The following NFU1 variants were observed in gnomAD, a reference collection of about 807,000 sequenced individuals.
NFU1 encodes the protein NFU1 iron-sulfur cluster scaffold homolog, mitochondrial.
NFU1 carries 30 observed loss-of-function variants against 32.2 expected under a neutral mutation model. That is an observed-to-expected ratio of 0.93 (90% CI 0.70 to 1.26). The LOEUF is 1.26. Among genes scored for constraint, NFU1 ranks in the 50% most tolerant of loss-of-function variants. The pLI is 0.00. For missense variants in NFU1, 306 were observed against 306.6 expected (o/e 1.00, Z 0.02); for synonymous variants, 112 against 104.6 (o/e 1.07, Z -0.43).
At chr2:69,419,777 A>G (rs1257552674) in intron 3 of NFU1, among the ~76,000 whole-genome samples, 173 bp from the exon 4 acceptor site, 1 of 152,106 alleles carries the variant, frequency 6.6e-6, no homozygotes, top group East Asian at 1.9e-4. Context: ...TAGCAATCCC[A>G]CTCCTAGTTA....
At chr2:69,437,786 C>T (rs549993267), upstream of NFU1, among the ~76,000 whole-genome samples, 1 of 152,318 alleles carries the variant, frequency 6.6e-6, no homozygotes, top group Admixed American at 6.5e-5. Flanking sequence ...CCTCTAGGAC[C>T]CTACTCAGCC....
chr2:69,417,121 A>T (rs1458613059), intron 4 of NFU1, among the ~76,000 whole-genome samples: 52 of 152,134 alleles, frequency 3.4e-4, no homozygotes, highest in Admixed American at 3.4e-3. Context: ...AAAAAGAAAA[A>T]ATATTCTAAA....
chr2:69,439,297 G>A (rs537281453), upstream of NFU1, among the ~76,000 whole-genome samples: 5 of 152,286 alleles, frequency 3.3e-5, no homozygotes, highest in East Asian at 3.9e-4. Flanking sequence ...CTTCAAGAAT[G>A]AAGCCATGGA....
In NFU1 at chr2:69,432,006, C is replaced by G. The variant is rs760959760; in HGVS notation, c.63-1G>C. The G allele has an allele frequency of 1.3e-6, 2 of 1,595,096 alleles. No individual in the cohort carries two copies. The highest frequency in any genetic ancestry group is 2.2e-5 in the South Asian group (2 of 90,714). On this transcript the variant is annotated splice_acceptor_variant, in intron 1 of 7. Coordinates refer to ENST00000410022, the MANE Select transcript of NFU1 (RefSeq NM_001002755.4). LOFTEE classifies it high-confidence loss of function. ...TGGATTCTTCAACATATGACAGAAC[C>G]TGCATTTAAAAGCACATAATGAATG...
intron 5 of NFU1, among the ~76,000 whole-genome samples, chr2:69,409,765 C>T (rs903353178): frequency 6.6e-6 from 1 of 152,072 alleles, no homozygotes; most frequent in Non-Finnish European, 1.5e-5. Flanking sequence ...AGAACTCACT[C>T]CCCTCCCCTC....
rs764626299 is a variant in NFU1, at chr2:69,396,150, T to A, written c.*96A>T. On this transcript the variant is annotated 3_prime_UTR_variant, in exon 8 of 8. Transcript: ENST00000410022. ...ATATCATTCTCTGAAGAGCATATTT[T>A]ATTAATCTTCAAGTTCCTCAGCATA... 4 of 976,418 alleles carry A rather than the reference T, an allele frequency of 4.1e-6. No homozygotes were observed. The African/African-American group carries it at 6.5e-5, about 16-fold the overall frequency. 60.5% of individuals were successfully genotyped at this position (976,418 alleles called of 1,614,324 possible).
intron 5 of NFU1, among the ~76,000 whole-genome samples, chr2:69,414,003 C>T (rs1265969771): frequency 9.5e-5 from 14 of 147,178 alleles, no homozygotes; most frequent in African/African-American, 2.0e-4. Context: ...GCCGAGATCA[C>T]GCCACTGCAC....
intron 5 of NFU1, among the ~76,000 whole-genome samples, chr2:69,406,769 G>A (rs990111300): frequency 3.3e-5 from 5 of 151,880 alleles, no homozygotes; most frequent in Admixed American, 1.3e-4. Context: ...ATGGGGCCTC[G>A]CCATGTTGCT....
intron 2 of NFU1, among the ~76,000 whole-genome samples, chr2:69,430,412 C>T (rs946355583): frequency 2.0e-5 from 3 of 151,988 alleles, no homozygotes; most frequent in African/African-American, 7.2e-5. Flanking sequence ...CAGGGTTTGA[C>T]CATGTTGCTG....
chr2:69,423,236 C>CTGTG (rs139739707), intron 3 of NFU1, among the ~76,000 whole-genome samples: 1 of 82,760 alleles, frequency 1.2e-5, no homozygotes, highest in Non-Finnish European at 2.3e-5. Context: ...GATGGGCTCT[C>CTGTG]TGTGTGAGTG....
rs1416259942 is a variant in NFU1, at chr2:69,401,624, GA to G, written c.546-1087del. Among the ~76,000 whole-genome samples, 9 of 152,174 alleles carry G rather than the reference GA, an allele frequency of 5.9e-5. No homozygotes were observed. In the East Asian group the frequency reaches 1.7e-3, roughly 29 times the overall value. On this transcript the variant is annotated intron_variant, in intron 6 of 7. Coordinates refer to ENST00000410022, the MANE Select transcript of NFU1 (RefSeq NM_001002755.4). ...ATATATTACTACTGGGAATATACCTGAAAGTGAAATTGCTGAATAAAGAGTA... is the reference window on the plus strand; with the variant it reads ...ATATATTACTACTGGGAATATACCTGAAGTGAAATTGCTGAATAAAGAGTA...
intron 1 of NFU1, among the ~76,000 whole-genome samples, chr2:69,436,452 C>G (rs1198018258): frequency 8.6e-5 from 13 of 151,990 alleles, no homozygotes; most frequent in Non-Finnish European, 7.4e-5. Context: ...TCCCTTCAGC[C>G]CAGGGAAAAG....
In NFU1 at chr2:69,415,293, C is replaced by T. The variant is rs375766930; in HGVS notation, c.376G>A (p.Glu126Lys). The change falls in exon 5 of 8, where the codon GAA (glutamate) becomes AAA (lysine). Residue 126 changes from glutamate to lysine, a missense_variant. Physicochemically the swap from Glu to Lys is moderately conservative, Grantham distance 56. Coordinates refer to ENST00000410022, the MANE Select transcript of NFU1 (RefSeq NM_001002755.4). ...PDFITVTKEN[E>K]ELDWNLLKPD... ...TTCAGTAAATTCCAGTCTAATTCTT[C>T]ATTTTCCTATAAACATTTAAAGGAA... 2.5e-6 allele frequency: 4 copies of T among 1,581,662 alleles called. No individual in the cohort carries two copies. In the African/African-American group the frequency reaches 5.4e-5, roughly 21 times the overall value.
intron 5 of NFU1, among the ~76,000 whole-genome samples, chr2:69,408,192 T>C (rs1433497675): frequency 6.6e-6 from 1 of 152,188 alleles, no homozygotes; most frequent in African/African-American, 2.4e-5. Context: ...TTTACATGTA[T>C]AAATTAACAC....
chr2:69,404,182 T>C (rs1372021481), intron 6 of NFU1, among the ~76,000 whole-genome samples: 3 of 150,794 alleles, frequency 2.0e-5, no homozygotes, highest in African/African-American at 7.3e-5. Flanking sequence ...GATATTTCCA[T>C]GTACAACATG....
upstream of NFU1, chr2:69,437,550 G>A (rs1558859927): frequency 1.7e-6 from 2 of 1,164,724 alleles, no homozygotes; most frequent in South Asian, 1.3e-5. Flanking sequence ...TCCTGCTGCG[G>A]ATAAGTGCGG....
upstream of NFU1, chr2:69,437,635 G>T: frequency 1.5e-6 from 1 of 656,156 alleles, no homozygotes; most frequent in Non-Finnish European, 2.7e-6. Flanking sequence ...TCCCGTTTGC[G>T]CCAACGCTTG....
At chr2:69,423,325 G>A (rs1403326284) in intron 3 of NFU1, among the ~76,000 whole-genome samples, 1 of 149,528 alleles carries the variant, frequency 6.7e-6, no homozygotes, top group Non-Finnish European at 1.5e-5. Context: ...TCTCTATGTT[G>A]CCCAGGCTGG....
chr2:69,434,388 A>G (rs1673757654), intron 1 of NFU1, among the ~76,000 whole-genome samples: 1 of 144,660 alleles, frequency 6.9e-6, no homozygotes, highest in African/African-American at 2.6e-5. Context: ...ATGATCCACT[A>G]GCCTCGGCCT....
Sources: allele counts gnomAD v4.1 joint callset (sites outside exome capture counted in the v4.1 genomes callset), GRCh38; gene constraint gnomAD v4.1.1; transcripts MANE v1.5; gene names NCBI Gene and HGNC (gene_info 2026-07-23, HGNC 2026-07-21).